Variants in CHODL observed in about 807,000 individuals in gnomAD.
CHODL encodes transmembrane protein MT75.
CHODL carries 29 observed loss-of-function variants against 34.5 expected under a neutral mutation model. The ratio of observed to expected loss-of-function variants is 0.84; its 90% confidence interval spans 0.63 to 1.15. CHODL has a LOEUF of 1.15. CHODL is among the 50% of genes most tolerant of loss of function. The probability of loss-of-function intolerance (pLI) is 0.00; values close to 1 mark genes in which losing one functional copy is unlikely to be tolerated. For missense variants in CHODL, 332 were observed against 332.5 expected, an observed-to-expected ratio of 1.00 and a Z score of 0.01; for synonymous variants, 125 against 116.1, an observed-to-expected ratio of 1.08 and a Z score of -0.49.
intron 2 of CHODL, among the ~76,000 whole-genome samples, chr21:18,112,454 C>A (rs2065362334): frequency 6.6e-6 from 1 of 151,434 alleles, no homozygotes; most frequent in South Asian, 2.1e-4. Context: ...CCAGAATAGC[C>A]AAAGCTATCC....
chr21:18,070,789 A>C (rs920901296), intron 2 of CHODL, among the ~76,000 whole-genome samples: 1 of 152,020 alleles, frequency 6.6e-6, no homozygotes, highest in African/African-American at 2.4e-5. Context: ...CCATAACTTC[A>C]ACTACTGCTT....
intron 2 of CHODL, among the ~76,000 whole-genome samples, chr21:18,149,980 GT>G (rs1258176937): frequency 1.3e-5 from 2 of 152,184 alleles, no homozygotes; most frequent in Non-Finnish European, 2.9e-5. Context: ...TGTGCCCAAG[GT>G]GGTTGAGATG....
intron 1 of CHODL, chr21:18,245,984 A>C (rs1374882453): frequency 6.7e-7 from 1 of 1,498,898 alleles, no homozygotes; most frequent in East Asian, 2.5e-5. Context: ...GTGCACAATT[A>C]AGTCGGTCGA....
chr21:18,020,027 A>C (rs905178856), intron 1 of CHODL, among the ~76,000 whole-genome samples: 1 of 152,154 alleles, frequency 6.6e-6, no homozygotes, highest in Non-Finnish European at 1.5e-5. Context: ...AAGGACTGGC[A>C]GGTCATATGG....
At chr21:17,918,072 G>T (rs1369290195) in intron 1 of CHODL, among the ~76,000 whole-genome samples, 1 of 152,136 alleles carries the variant, frequency 6.6e-6, no homozygotes, top group Non-Finnish European at 1.5e-5. Context: ...AACAAGACAG[G>T]TTTAAATAGA....
intron 1 of CHODL, among the ~76,000 whole-genome samples, chr21:18,249,219 T>G (rs2074205824): frequency 1.4e-5 from 2 of 148,140 alleles, no homozygotes; most frequent in Admixed American, 6.9e-5. Flanking sequence ...AACAACTTTC[T>G]GTGTCAGGAA....
At chr21:17,928,586 G>A (rs1377041255) in intron 1 of CHODL, among the ~76,000 whole-genome samples, 1 of 152,124 alleles carries the variant, frequency 6.6e-6, no homozygotes, top group Non-Finnish European at 1.5e-5. Flanking sequence ...AACAGTGGGG[G>A]CCAAAGTTGG....
In CHODL at chr21:18,260,917, G is replaced by A. The variant is rs558514142; in HGVS notation, c.634+631G>A. Among the ~76,000 whole-genome samples, 15 of 152,268 alleles carry A rather than the reference G, an allele frequency of 9.9e-5. 1 individual carries two copies. In the Middle Eastern group the frequency reaches 0.014, roughly 138 times the overall value. Reference sequence around the variant, plus strand: ...GAAATTTCTCTAACAACATGTAGGCGTCATGATGCAAATTGGCACATTCAG... The same window carrying A: ...GAAATTTCTCTAACAACATGTAGGCATCATGATGCAAATTGGCACATTCAG... On this transcript the variant is annotated intron_variant, in intron 4 of 5. Transcript: ENST00000299295.
chr21:18,016,587 G>A (rs369884083), intron 1 of CHODL, among the ~76,000 whole-genome samples: 23 of 152,302 alleles, frequency 1.5e-4, no homozygotes, highest in African/African-American at 5.5e-4. Context: ...CCTGTACTTG[G>A]GCAGTGCAGA....
intron 2 of CHODL, among the ~76,000 whole-genome samples, chr21:18,060,757 A>G (rs1030012994): frequency 6.7e-6 from 1 of 149,942 alleles, no homozygotes; most frequent in African/African-American, 2.5e-5. Context: ...TGTTGTTACC[A>G]AGGTTGATTA....
rs556085542 is a variant in CHODL at position 18,266,333 on chromosome 21, T to C, written c.*295T>C. On this transcript the variant is annotated 3_prime_UTR_variant, in exon 6 of 6. Transcript: ENST00000299295. The stretch of plus-strand genomic sequence containing the variant: ...AAAGTTGTTATCAACACGTCGGGAG[T>C]ATGTGTGTTAGAAGCAATTCCTTTT... 1 of 729,992 alleles carries C rather than the reference T, an allele frequency of 1.4e-6. No individual in the cohort carries two copies. Among genetic ancestry groups the C allele is most frequent in the African/African-American group, 1.8e-5 (1 of 56,208 alleles). The allele number at this position is 729,992 out of a possible 1,614,324, so 45.2% of individuals were successfully genotyped here. A position where few individuals can be genotyped will look rare whatever the true frequency, so the allele number is the denominator to read the frequency against.
At chr21:18,212,316 C>A (rs1458514982) in intron 2 of CHODL, among the ~76,000 whole-genome samples, 2 of 152,074 alleles carry the variant, frequency 1.3e-5, no homozygotes, top group Non-Finnish European at 1.5e-5. Context: ...CAATAAGAGA[C>A]TCTTTTTGGT....
rs930300881 is a variant in CHODL at position 18,245,045 on chromosome 21, G to T, written c.-179G>T. ...GCACATCCACGCGCGGCACAGGCGC[G>T]GCAGGCGGCAGGTCCCGGCCGAAGG... On this transcript the variant is annotated 5_prime_UTR_variant, in exon 1 of 6. Coordinates refer to ENST00000299295, the MANE Select transcript of CHODL (RefSeq NM_024944.3). 27 of 504,132 alleles carry T rather than the reference G, an allele frequency of 5.4e-5. No homozygotes were observed. Among genetic ancestry groups the T allele is most frequent in the Non-Finnish European group, 8.4e-5 (25 of 296,900 alleles). The allele number at this position is 504,132 out of a possible 1,614,324, so 31.2% of individuals were successfully genotyped here.
At chr21:18,159,532 G>T (rs2073072446) in intron 2 of CHODL, among the ~76,000 whole-genome samples, 1 of 152,106 alleles carries the variant, frequency 6.6e-6, no homozygotes, top group South Asian at 2.1e-4. Flanking sequence ...AAAAAGGAAA[G>T]AATTTAAAAA....
chr21:17,997,640 G>A lies in CHODL; in HGVS notation c.-144-30232G>A, dbSNP rs144298398. On this transcript the variant is annotated intron_variant, in intron 1 of 6. Transcript: ENST00000400127. ...GGATGCCATGCCTCAGAATCATAGC[G>A]GGAGATGAAAGGCACTTCTTACATG... is the stretch of plus-strand genomic sequence containing the variant. 8.7e-3 allele frequency among the ~76,000 whole-genome samples: 1,329 copies of A among 152,236 alleles called. 19 individuals carry two copies. Among genetic ancestry groups the A allele is most frequent in the African/African-American group, 0.03 (1,234 of 41,522 alleles).
intron 1 of CHODL, among the ~76,000 whole-genome samples, chr21:17,952,189 T>G (rs2063463025): frequency 2.4e-5 from 1 of 41,416 alleles, no homozygotes; most frequent in South Asian, 7.2e-4. Context: ...AGCAATACTA[T>G]GTCTCAAAAA....
intron 1 of CHODL, among the ~76,000 whole-genome samples, chr21:17,992,545 G>T (rs187174360): frequency 1.3e-5 from 2 of 151,956 alleles, no homozygotes; most frequent in African/African-American, 4.8e-5. Flanking sequence ...CTTACCCTAG[G>T]TAATTTATTT....
intron 2 of CHODL, among the ~76,000 whole-genome samples, chr21:18,211,451 A>G (rs1468625894): frequency 6.6e-6 from 1 of 152,216 alleles, no homozygotes; most frequent in African/African-American, 2.4e-5. Context: ...TGGCCCAGCA[A>G]TGAGTCCAAA....
intron 2 of CHODL, among the ~76,000 whole-genome samples, chr21:18,081,582 G>A (rs1019862718): frequency 3.9e-5 from 6 of 151,976 alleles, no homozygotes; most frequent in African/African-American, 1.4e-4. Flanking sequence ...TTGGGAGGCT[G>A]AGGCAAGAGA....
Sources: gnomAD v4.1 joint callset for allele counts (sites outside exome capture counted in the v4.1 genomes callset) on GRCh38, gnomAD v4.1.1 for gene constraint, MANE v1.5 for transcripts, NCBI Gene and HGNC (gene_info 2026-07-23, HGNC 2026-07-21) for gene names.